The following CCDC28B variants were observed in gnomAD, a reference collection of about 807,000 sequenced individuals.
CCDC28B encodes the protein coiled-coil domain-containing protein 28B.
CCDC28B carries 17 observed loss-of-function variants against 18.7 expected under a neutral mutation model. That is an observed-to-expected ratio of 0.91 (90% confidence interval 0.62 to 1.36). The LOEUF (loss-of-function observed/expected upper bound fraction) is 1.36, where lower values mean the gene tolerates loss of function less well. CCDC28B is among the 40% of genes most tolerant of loss of function. The pLI, the probability that CCDC28B is intolerant of heterozygous loss-of-function variation, is 0.00. For synonymous variants in CCDC28B, 116 were observed against 105.1 expected, an observed-to-expected ratio of 1.10 and a Z score of -0.64; for missense variants, 213 against 251.7, an observed-to-expected ratio of 0.85 and a Z score of 1.04.
intron 1 of CCDC28B, chr1:32,201,656 T>C: frequency 3.5e-6 from 1 of 287,684 alleles, no homozygotes; most frequent in African/African-American, 2.2e-5. Flanking sequence ...GCCAAGATAG[T>C]TGTGACTGGT....
At position 32,204,410 on chromosome 1, in the gene CCDC28B, G is replaced by C. The variant is rs746848249; in HGVS notation, c.525+31G>C. ...TTCATGTCTGGGTGCTTTGGTTCCTGGGGGCATGAGGGGTGGAGAAGGTAC... is the reference window on the plus strand; with the variant it reads ...TTCATGTCTGGGTGCTTTGGTTCCTCGGGGCATGAGGGGTGGAGAAGGTAC... On this transcript the variant is annotated intron_variant, in intron 4 of 5. Coordinates refer to ENST00000373602, the MANE Select transcript of CCDC28B (RefSeq NM_024296.5). The C allele has an allele frequency of 3.9e-6, 6 of 1,541,048 alleles. No individual in the cohort carries two copies. In the African/African-American group the frequency reaches 8.3e-5, roughly 21 times the overall value.
Position 32,201,950 on chromosome 1 carries a change from G to A in CCDC28B, c.15G>A (p.Lys5=), listed in dbSNP as rs1275077438. MDDK[K]KKRSPKPCLA... ...GCCAGCGCCCAATGGATGACAAAAAGAAGAAACGGAGTCCCAAGCCCTGCC... is the reference window on the plus strand; with the variant it reads ...GCCAGCGCCCAATGGATGACAAAAAAAAGAAACGGAGTCCCAAGCCCTGCC... Residue 5 remains lysine (K), a synonymous_variant, in exon 2 of 6, where the codon AAG becomes AAA. Transcript: ENST00000373602. The A allele has an allele frequency of 4.4e-6, 7 of 1,604,674 alleles. No homozygotes were observed. Among genetic ancestry groups the A allele is most frequent in the Non-Finnish European group, 6.0e-6 (7 of 1,176,372 alleles).
upstream of CCDC28B, among the ~76,000 whole-genome samples, chr1:32,199,442 C>A (rs1013980449): frequency 6.6e-6 from 1 of 152,166 alleles, no homozygotes; most frequent in Non-Finnish European, 1.5e-5. Flanking sequence ...TCTGACCCCC[C>A]AGTGAAGCAG....
intron 1 of CCDC28B, 54 bp from the exon 2 acceptor site, chr1:32,201,859 G>A: frequency 6.9e-7 from 1 of 1,452,396 alleles, no homozygotes; most frequent in Non-Finnish European, 9.3e-7. Flanking sequence ...GGGATTTCTG[G>A]GTGAAGGGCT....
chr1:32,200,970 G>A (rs1299243523), intron 1 of CCDC28B, among the ~76,000 whole-genome samples: 1 of 152,126 alleles, frequency 6.6e-6, no homozygotes, highest in Non-Finnish European at 1.5e-5. Flanking sequence ...CCCCACACCC[G>A]CAGACCCCGT....
intron 2 of CCDC28B, among the ~76,000 whole-genome samples, chr1:32,203,329 G>T (rs992842600): frequency 6.6e-6 from 1 of 151,602 alleles, no homozygotes; most frequent in Non-Finnish European, 1.5e-5. Context: ...ATAGTGGCAG[G>T]CGCCCATAAT....
intron 4 of CCDC28B, 76 bp downstream of exon 4, chr1:32,204,455 T>G (rs901226347): frequency 2.6e-6 from 4 of 1,517,164 alleles, no homozygotes; most frequent in South Asian, 1.3e-5. Flanking sequence ...AAGCCATTCC[T>G]GGGCCCTGGG....
rs771126640 is a variant in CCDC28B, at chr1:32,204,273, GGGA to G, written c.429_431del (p.Glu143del). 6 of 1,614,052 alleles carry G rather than the reference GGGA, an allele frequency of 3.7e-6. No individual in the cohort carries two copies. Among genetic ancestry groups the G allele is most frequent in the Non-Finnish European group, 5.1e-6 (6 of 1,179,958 alleles). On this transcript the variant is annotated inframe_deletion, in exon 4 of 6. Coordinates refer to ENST00000373602, the MANE Select transcript of CCDC28B (RefSeq NM_024296.5). ...CTGCACTTCAGCCTGGATGTGTGTG[GGGA>G]GGAGGAGGACGATGAAGAGGAAGAG...
At chr1:32,199,623 A>G (rs1410367947), upstream of CCDC28B, among the ~76,000 whole-genome samples, 1 of 152,130 alleles carries the variant, frequency 6.6e-6, no homozygotes, top group Admixed American at 6.5e-5. Context: ...TGAGTGTTGG[A>G]AGTACCCAGG....
At position 32,203,904 on chromosome 1, in the gene CCDC28B, G is replaced by T. The variant is rs771234393; in HGVS notation, c.190G>T (p.Val64Phe). 6.6e-7 allele frequency: 1 copy of T among 1,526,258 alleles called. No individual in the cohort carries two copies. The highest frequency in any genetic ancestry group is 8.8e-7 in the Non-Finnish European group (1 of 1,137,540). The allele number at this position is 1,526,258 out of a possible 1,614,324, so 94.5% of individuals were successfully genotyped here. Residue 64 changes from valine to phenylalanine, a missense_variant, in exon 3 of 6, where the codon GTC becomes TTC. Coordinates refer to ENST00000373602, the MANE Select transcript of CCDC28B (RefSeq NM_024296.5). Reference sequence around the variant, plus strand: ...AGTAGGCAAAGAGAAGTGCCGCCCAGTCCTGGCTGGAGGTGGAAGCGGCTC... The same window carrying T: ...AGTAGGCAAAGAGAAGTGCCGCCCATTCCTGGCTGGAGGTGGAAGCGGCTC... ...KRVGKEKCRPVLAGGGSGSAG... is the reference protein window; with the variant it reads ...KRVGKEKCRPFLAGGGSGSAG...
Position 32,205,386 on chromosome 1 carries a change from A to C in CCDC28B, c.*138A>C. 1.1e-6 allele frequency: 1 copy of C among 937,334 alleles called. No homozygotes were observed. Among genetic ancestry groups the C allele is most frequent in the Non-Finnish European group, 1.6e-6 (1 of 630,850 alleles). The allele number at this position is 937,334 out of a possible 1,614,324, so 58.1% of individuals were successfully genotyped here. A position where few individuals can be genotyped will look rare whatever the true frequency, so the allele number is the denominator to read the frequency against. On this transcript the variant is annotated 3_prime_UTR_variant, in exon 6 of 6. Coordinates refer to ENST00000373602, the MANE Select transcript of CCDC28B (RefSeq NM_024296.5). The surrounding 1 kb of genome is among the most constrained non-coding windows in gnomAD (Gnocchi z 5.6). ...AATGGAATTAAACCAGAAAGAAAGC[A>C]AGCGGCTCCGTGTCCTGCTTCCCCT... is the stretch of plus-strand genomic sequence containing the variant.
At chr1:32,201,207 G>A (rs1234873243) in intron 1 of CCDC28B, among the ~76,000 whole-genome samples, 2 of 152,192 alleles carry the variant, frequency 1.3e-5, no homozygotes, top group Admixed American at 1.3e-4. Flanking sequence ...GCAGCCAGCG[G>A]CCAACCACCC....
chr1:32,201,134 C>T (rs1643139403), intron 1 of CCDC28B, among the ~76,000 whole-genome samples: 1 of 147,686 alleles, frequency 6.8e-6, no homozygotes, highest in Non-Finnish European at 1.5e-5. Context: ...GCTTGGGGGG[C>T]GCTGCTGGAC....
chr1:32,203,531 A>G (rs1170341498), intron 2 of CCDC28B, among the ~76,000 whole-genome samples: 1 of 152,140 alleles, frequency 6.6e-6, no homozygotes, highest in African/African-American at 2.4e-5. Flanking sequence ...GCAATAAGGG[A>G]GTAGCTGTCT....
rs1643290637 is a variant in CCDC28B, at chr1:32,205,326, C to A, written c.*78C>A. ...TTTACAGACTCGGGCGGGTGTTCTG[C>A]GGCCCCCCAGGTGCTATGGGGGAGG... On this transcript the variant is annotated 3_prime_UTR_variant, in exon 6 of 6. Coordinates refer to ENST00000373602, the MANE Select transcript of CCDC28B (RefSeq NM_024296.5). This position sits in a 1 kb window ranked among gnomAD's most constrained non-coding sequence, Gnocchi z 5.6. 1.4e-6 allele frequency: 2 copies of A among 1,436,452 alleles called. No homozygotes were observed. The highest frequency in any genetic ancestry group is 1.3e-5 in the South Asian group (1 of 75,038). 89.0% of individuals were successfully genotyped at this position (1,436,452 alleles called of 1,614,324 possible).
Position 32,204,953 on chromosome 1 carries a change from C to T in CCDC28B, c.549-241C>T. 2.2e-6 allele frequency: 3 copies of T among 1,381,066 alleles called. No individual in the cohort carries two copies. In the South Asian group the frequency reaches 4.5e-5, roughly 21 times the overall value. 85.6% of individuals were successfully genotyped at this position (1,381,066 alleles called of 1,614,324 possible). On this transcript the variant is annotated intron_variant, in intron 5 of 5. Coordinates refer to ENST00000373602, the MANE Select transcript of CCDC28B (RefSeq NM_024296.5). ...AATTTACACTACCACCTCACCTGGT[C>T]CTCAGTCAGAAACAGCGCGAGTGCG...
chr1:32,204,906 G>A, intron 5 of CCDC28B: 1 of 1,469,166 alleles, frequency 6.8e-7, no homozygotes, highest in East Asian at 2.5e-5. Context: ...TATCCTTTCA[G>A]CATTGAACAA....
chr1:32,203,879 A>T lies in CCDC28B; in HGVS notation c.165A>T (p.Arg55Ser). The change falls in exon 3 of 6, where the codon AGA becomes AGT. Residue 55 changes from arginine (R) to serine (S), a missense_variant and splice_region_variant. Physicochemically the swap from Arg to Ser is moderately radical, Grantham distance 110. Transcript: ENST00000373602. ...PSPKQRAKFK[R>S]VGKEKCRPVL... ...TCATGGTCATGTCCACCCCACCCAG[A>T]GTAGGCAAAGAGAAGTGCCGCCCAG... 2.0e-6 allele frequency: 3 copies of T among 1,502,682 alleles called. No homozygotes were observed. The highest frequency in any genetic ancestry group is 2.7e-6 in the Non-Finnish European group (3 of 1,126,248). 93.1% of individuals were successfully genotyped at this position (1,502,682 alleles called of 1,614,324 possible).
At chr1:32,204,743 T>G (rs780880421) in intron 5 of CCDC28B, 123 bp downstream of exon 5, 7 of 1,613,738 alleles carry the variant, frequency 4.3e-6, no homozygotes, top group Non-Finnish European at 5.1e-6. Flanking sequence ...CCTGTCAGAT[T>G]TAGCCACAGA....
Sources: gnomAD v4.1 joint callset for allele counts (sites outside exome capture counted in the v4.1 genomes callset) on GRCh38, gnomAD v4.1.1 for gene constraint, Gnocchi (gnomAD v3.1) non-coding constraint, MANE v1.5 for transcripts, NCBI Gene and HGNC (gene_info 2026-07-23, HGNC 2026-07-21) for gene names.